Variants in FHOD3 observed in about 807,000 individuals in gnomAD.
The protein encoded by FHOD3 is formin homology 2 domain containing 3, also known as FH1/FH2 domain-containing protein 3.
In FHOD3, 90 loss-of-function variants were observed where a neutral mutation model predicts 173.0. That is an observed-to-expected ratio of 0.52 (90% CI 0.44 to 0.62). The LOEUF is 0.62. Ranked by LOEUF, FHOD3 falls within the 20% of genes least tolerant of loss-of-function variation. FHOD3 has a pLI of 0.00. For synonymous variants in FHOD3, 828 were observed against 823.0 expected, an observed-to-expected ratio of 1.01 and a Z score of -0.10; for missense variants, 1,945 against 2,034.7, an observed-to-expected ratio of 0.96 and a Z score of 0.85.
Position 36,602,731 on chromosome 18 carries a change from C to G in FHOD3, c.776C>G (p.Thr259Arg). 6.2e-7 allele frequency: 1 copy of G among 1,614,082 alleles called. No individual in the cohort carries two copies. Among genetic ancestry groups the G allele is most frequent in the Non-Finnish European group, 8.5e-7 (1 of 1,179,990 alleles). ...CTGGAGGAAAAAGATGGAGTTGATA[C>G]GGAGCTACTGGTTTATGCAATGACT... ...EILEEKDGVD[T>R]ELLVYAMTLV... The change falls in exon 8 of 29, where the codon ACG (threonine) becomes AGG (arginine). Residue 259 changes from threonine (T) to arginine (R), a missense_variant. By Grantham distance (71) the Thr-to-Arg change is moderately conservative (BLOSUM62 -1). Around this residue, in one of 5 missense-constraint regions of FHOD3, gnomAD observed 1,099 missense variants for 1,051.2 expected, o/e 1.05. Transcript: ENST00000590592.
intron 1 of FHOD3, among the ~76,000 whole-genome samples, chr18:36,331,574 C>A (rs1474170441): frequency 6.6e-6 from 1 of 152,164 alleles, no homozygotes; most frequent in Non-Finnish European, 1.5e-5. Context: ...AGAAGAGTAA[C>A]TATAAGATCA....
At chr18:36,305,450 A>G (rs1285102979) in intron 1 of FHOD3, among the ~76,000 whole-genome samples, 1 of 152,270 alleles carries the variant, frequency 6.6e-6, no homozygotes, top group Non-Finnish European at 1.5e-5. Context: ...CTCTTTGAAT[A>G]TCTTTAACGT....
chr18:36,437,153 C>G (rs998079469), intron 3 of FHOD3, among the ~76,000 whole-genome samples: 3 of 152,176 alleles, frequency 2.0e-5, no homozygotes, highest in Non-Finnish European at 2.9e-5. Context: ...GGGTCTCACT[C>G]TGTCACCAGG....
At chr18:36,589,520 C>T (rs575344441) in intron 6 of FHOD3, among the ~76,000 whole-genome samples, 2 of 152,250 alleles carry the variant, frequency 1.3e-5, no homozygotes, top group African/African-American at 4.8e-5. Context: ...TCTACAATGC[C>T]GGAGCTGTCC....
At chr18:36,347,861 A>AT (rs909651585) in intron 1 of FHOD3, among the ~76,000 whole-genome samples, 1 of 152,230 alleles carries the variant, frequency 6.6e-6, no homozygotes, top group African/African-American at 2.4e-5. Context: ...TGTAATTACA[A>AT]TTTTTTATGT....
At chr18:36,770,948 GT>G (rs1488967479) in intron 28 of FHOD3, among the ~76,000 whole-genome samples, 1 of 152,106 alleles carries the variant, frequency 6.6e-6, no homozygotes, top group African/African-American at 2.4e-5. Context: ...GAAAACTATC[GT>G]TCAGGGAGAC....
At chr18:36,643,905 A>G (rs56266618) in intron 10 of FHOD3, among the ~76,000 whole-genome samples, 10,817 of 152,172 alleles carry the variant, frequency 0.071, 668 homozygotes, top group East Asian at 0.24. Flanking sequence ...ATACTTTAAC[A>G]TTATTTTGAA....
At chr18:36,397,215 A>G (rs1468514303) in intron 3 of FHOD3, among the ~76,000 whole-genome samples, 1 of 151,928 alleles carries the variant, frequency 6.6e-6, no homozygotes, top group Non-Finnish European at 1.5e-5. Context: ...AGCCTAATAT[A>G]CTCTCCAGTG....
At chr18:36,502,825 A>T (rs570162437) in intron 4 of FHOD3, among the ~76,000 whole-genome samples, 1 of 152,168 alleles carries the variant, frequency 6.6e-6, no homozygotes, top group Non-Finnish European at 1.5e-5. Context: ...ATTCACCAAC[A>T]ATATGTGATA....
intron 2 of FHOD3, among the ~76,000 whole-genome samples, chr18:36,360,792 G>C (rs950033079): frequency 6.6e-6 from 1 of 152,154 alleles, no homozygotes; most frequent in Non-Finnish European, 1.5e-5. Context: ...AGAGGTCTTT[G>C]CCTCTCAAAA....
At position 36,336,527 on chromosome 18, in the gene FHOD3, C is replaced by T. The variant is rs1002284784; in HGVS notation, c.166-19012C>T. Among the ~76,000 whole-genome samples, 3 of 152,144 alleles carry T rather than the reference C, an allele frequency of 2.0e-5. No homozygotes were observed. In the South Asian group the frequency reaches 6.2e-4, roughly 31 times the overall value. ...GTTTAAAATGTTCATTGACCATCCT[C>T]AGCAACCTTAGATTGAAAATTAATT... On this transcript the variant is annotated intron_variant, in intron 1 of 28. Coordinates refer to ENST00000590592, the MANE Select transcript of FHOD3 (RefSeq NM_001281740.3).
chr18:36,690,380 G>T (rs1225309681), intron 16 of FHOD3, among the ~76,000 whole-genome samples: 1 of 152,176 alleles, frequency 6.6e-6, no homozygotes, highest in African/African-American at 2.4e-5. Context: ...CCACAGAGGA[G>T]GCTCTGTCGG....
intron 10 of FHOD3, among the ~76,000 whole-genome samples, chr18:36,647,644 A>G (rs978820763): frequency 1.3e-5 from 2 of 152,220 alleles, no homozygotes; most frequent in Non-Finnish European, 2.9e-5. Context: ...GACATGTACT[A>G]CACTGTTTAT....
chr18:36,378,777 G>T (rs906661519), intron 3 of FHOD3, among the ~76,000 whole-genome samples: 1 of 152,106 alleles, frequency 6.6e-6, no homozygotes, highest in African/African-American at 2.4e-5. Flanking sequence ...CGCTTTCCCG[G>T]GTTCAAGTGA....
intron 7 of FHOD3, among the ~76,000 whole-genome samples, chr18:36,598,182 A>G (rs2030787122): frequency 6.6e-6 from 1 of 152,192 alleles, no homozygotes; most frequent in Non-Finnish European, 1.5e-5. Context: ...TTTACTTCTC[A>G]AAGTGGCTTT....
intron 2 of FHOD3, among the ~76,000 whole-genome samples, chr18:36,358,062 T>C (rs2046444468): frequency 6.6e-6 from 1 of 152,260 alleles, no homozygotes; most frequent in Non-Finnish European, 1.5e-5. Flanking sequence ...AGTCATGTAA[T>C]TGGATTTTAT....
Position 36,622,463 on chromosome 18 carries a change from A to G in FHOD3, c.958-3048A>G, listed in dbSNP as rs72895562. 2.5e-3 allele frequency among the ~76,000 whole-genome samples: 379 copies of G among 152,296 alleles called. 2 individuals carry two copies. The highest frequency in any genetic ancestry group is 3.5e-3 in the Non-Finnish European group (240 of 67,998). On this transcript the variant is annotated intron_variant, in intron 9 of 28. Coordinates refer to ENST00000590592, the MANE Select transcript of FHOD3 (RefSeq NM_001281740.3). ...TGCCCCTAACTGCTTTCTTGGTTAC[A>G]TGGGGATGTGTAAGCCGTCAGGGCT...
chr18:36,369,374 T>C (rs559335144), intron 2 of FHOD3, among the ~76,000 whole-genome samples: 16 of 150,476 alleles, frequency 1.1e-4, no homozygotes, highest in Non-Finnish European at 1.6e-4. Flanking sequence ...GAAAATATAG[T>C]GGTGGAGGGA....
intron 20 of FHOD3, among the ~76,000 whole-genome samples, chr18:36,733,711 C>T (rs4799885): frequency 0.38 from 57,666 of 152,026 alleles, 11,550 homozygotes; most frequent in African/African-American, 0.52. Flanking sequence ...ATGACGCTGA[C>T]GGATATGGGA....
Sources: gnomAD v4.1 joint callset for allele counts (sites outside exome capture counted in the v4.1 genomes callset) on GRCh38, gnomAD v4.1.1 for gene constraint, gnomAD v4.1.1 regional missense constraint, MANE v1.5 for transcripts, NCBI Gene and HGNC (gene_info 2026-07-23, HGNC 2026-07-21) for gene names.